The following CNTNAP2 variants were observed in gnomAD, a reference collection of about 807,000 sequenced individuals.
The protein encoded by CNTNAP2 is contactin-associated protein-like 2.
A neutral mutation model predicts 155.2 loss-of-function variants in CNTNAP2; 98 were observed. The ratio of observed to expected loss-of-function variants is 0.63; its 90% confidence interval spans 0.54 to 0.75. CNTNAP2 has a LOEUF of 0.75. CNTNAP2 is among the 30% of genes least tolerant of loss of function. The pLI, the probability that CNTNAP2 is intolerant of heterozygous loss-of-function variation, is 0.00. For missense variants in CNTNAP2, 1,727 were observed against 1,688.1 expected (o/e 1.02, Z -0.40); for synonymous variants, 651 against 631.2 (o/e 1.03, Z -0.47).
intron 1 of CNTNAP2, among the ~76,000 whole-genome samples, chr7:146,215,406 A>G (rs1799097424): frequency 6.6e-6 from 1 of 152,152 alleles, no homozygotes; most frequent in Admixed American, 6.5e-5. Context: ...TCAAAAATAT[A>G]ATTAACCCAT....
intron 3 of CNTNAP2, among the ~76,000 whole-genome samples, chr7:146,938,401 TA>T (rs1563011770): frequency 1.3e-5 from 2 of 150,484 alleles, no homozygotes; most frequent in African/African-American, 4.9e-5. Flanking sequence ...TAGTTTTATA[TA>T]TTATATATAC....
intron 1 of CNTNAP2, among the ~76,000 whole-genome samples, chr7:146,651,510 A>G (rs1799911638): frequency 6.6e-6 from 1 of 152,206 alleles, no homozygotes; most frequent in Non-Finnish European, 1.5e-5. Flanking sequence ...TGGTATGGAC[A>G]TGTGGGGAAA....
intron 1 of CNTNAP2, among the ~76,000 whole-genome samples, chr7:146,654,922 T>C (rs1452464932): frequency 6.6e-6 from 1 of 152,142 alleles, no homozygotes; most frequent in East Asian, 1.9e-4. Flanking sequence ...AAGTGGATCT[T>C]TTATAAAATT....
intron 6 of CNTNAP2, among the ~76,000 whole-genome samples, chr7:147,123,860 G>T (rs927461482): frequency 4.6e-5 from 7 of 151,996 alleles, no homozygotes; most frequent in Non-Finnish European, 7.4e-5. Flanking sequence ...GGCCAATGTG[G>T]TGAAACCCCC....
At chr7:146,210,952 G>A (rs1799025465) in intron 1 of CNTNAP2, among the ~76,000 whole-genome samples, 1 of 151,850 alleles carries the variant, frequency 6.6e-6, no homozygotes, top group Non-Finnish European at 1.5e-5. Context: ...ACTACCCTGA[G>A]ATAAGATTTT....
intron 1 of CNTNAP2, among the ~76,000 whole-genome samples, chr7:146,451,108 A>G (rs1355640821): frequency 3.3e-5 from 5 of 152,048 alleles, no homozygotes; most frequent in East Asian, 2.0e-4. Flanking sequence ...CACATCACCC[A>G]GCTAATTTTT....
At chr7:146,377,097 C>T (rs1447694671) in intron 1 of CNTNAP2, among the ~76,000 whole-genome samples, 1 of 152,142 alleles carries the variant, frequency 6.6e-6, no homozygotes, top group Admixed American at 6.5e-5. Flanking sequence ...CACACATTGG[C>T]AATGTAATGA....
intron 1 of CNTNAP2, among the ~76,000 whole-genome samples, chr7:146,392,479 A>G (rs943684213): frequency 3.3e-5 from 5 of 152,228 alleles, no homozygotes; most frequent in Admixed American, 6.5e-5. Context: ...ATCAGAATTC[A>G]TATTTCTCCT....
Position 147,784,381 on chromosome 7 carries a change from C to CATATATATATATATATATAT in CNTNAP2, c.2099-119177_2099-119158dup, listed in dbSNP as rs60221349. Among the ~76,000 whole-genome samples, 425 of 99,174 alleles carry CATATATATATATATATATAT rather than the reference C, an allele frequency of 4.3e-3. 10 individuals carry two copies. Among genetic ancestry groups the CATATATATATATATATATAT allele is most frequent in the South Asian group, 7.2e-3 (17 of 2,376 alleles). 65.1% of individuals were successfully genotyped at this position (99,174 alleles called of 152,430 possible). A position where few individuals can be genotyped will look rare whatever the true frequency, so the allele number is the denominator to read the frequency against. On this transcript the variant is annotated intron_variant, in intron 13 of 23. Coordinates refer to ENST00000361727, the MANE Select transcript of CNTNAP2 (RefSeq NM_014141.6). ...TTCATAGCCCTCTACAAACTAAAAA[C>CATATATATATATATATATAT]ATATATATATATATATATATATATA...
intron 14 of CNTNAP2, among the ~76,000 whole-genome samples, chr7:147,913,351 G>A (rs563397951): frequency 2.1e-3 from 313 of 152,278 alleles, no homozygotes; most frequent in African/African-American, 7.4e-3. Context: ...TGCCAGGCAT[G>A]TCCACAGATG....
chr7:146,628,097 A>T (rs544539061), intron 1 of CNTNAP2, among the ~76,000 whole-genome samples: 1 of 152,294 alleles, frequency 6.6e-6, no homozygotes, highest in East Asian at 1.9e-4. Flanking sequence ...ATACTTGTTC[A>T]TATGGGATAT....
intron 17 of CNTNAP2, among the ~76,000 whole-genome samples, chr7:148,154,936 CAAAA>C (rs113236445): frequency 7.8e-6 from 1 of 128,866 alleles, no homozygotes; most frequent in Non-Finnish European, 1.7e-5. Flanking sequence ...GACCACATCT[CAAAA>C]AAAAAAAAAA....
At chr7:147,033,376 T>C (rs1211035350) in intron 3 of CNTNAP2, among the ~76,000 whole-genome samples, 1 of 151,678 alleles carries the variant, frequency 6.6e-6, no homozygotes, top group East Asian at 1.9e-4. Context: ...CATGATTGTT[T>C]TCTTTTTATC....
At chr7:147,442,476 C>T (rs998489185) in intron 10 of CNTNAP2, among the ~76,000 whole-genome samples, 2 of 152,072 alleles carry the variant, frequency 1.3e-5, no homozygotes, top group African/African-American at 4.8e-5. Context: ...TTAGGGACTC[C>T]AAGAGCCCAT....
chr7:146,981,781 C>G (rs566932205), intron 3 of CNTNAP2, among the ~76,000 whole-genome samples: 1 of 151,968 alleles, frequency 6.6e-6, no homozygotes, highest in Admixed American at 6.6e-5. Context: ...TAAAACAAAA[C>G]GATTAGACTT....
intron 16 of CNTNAP2, among the ~76,000 whole-genome samples, chr7:148,136,271 T>C (rs1434969185): frequency 5.3e-5 from 8 of 152,096 alleles, no homozygotes; most frequent in Admixed American, 5.2e-4. Context: ...TGACTCCCGA[T>C]GTTGGAGGTG....
At chr7:147,333,693 A>G (rs1026650019) in intron 9 of CNTNAP2, among the ~76,000 whole-genome samples, 5 of 152,290 alleles carry the variant, frequency 3.3e-5, no homozygotes, top group Admixed American at 1.3e-4. Context: ...ACAATTGGTT[A>G]ATAGATTTAT....
chr7:147,933,248 G>A (rs115856717), intron 14 of CNTNAP2, among the ~76,000 whole-genome samples: 1 of 151,982 alleles, frequency 6.6e-6, no homozygotes, highest in Non-Finnish European at 1.5e-5. Flanking sequence ...TATATGTATG[G>A]AAAACTGTAT....
At chr7:147,915,593 G>A (rs1800144826) in intron 14 of CNTNAP2, among the ~76,000 whole-genome samples, 1 of 151,614 alleles carries the variant, frequency 6.6e-6, no homozygotes, top group Admixed American at 6.6e-5. Flanking sequence ...AAAATGGACA[G>A]CTATCAATAT....
Sources: gnomAD v4.1 joint callset for allele counts (sites outside exome capture counted in the v4.1 genomes callset) on GRCh38, gnomAD v4.1.1 for gene constraint, MANE v1.5 for transcripts, NCBI Gene and HGNC (gene_info 2026-07-23, HGNC 2026-07-21) for gene names.